Variants in SLC4A4 observed in about 807,000 individuals in gnomAD.
The protein encoded by SLC4A4 is electrogenic sodium bicarbonate cotransporter 1.
In SLC4A4, 27 loss-of-function variants were observed where a neutral mutation model predicts 111.5. The ratio of observed to expected loss-of-function variants is 0.24; its 90% confidence interval spans 0.18 to 0.33. The LOEUF (loss-of-function observed/expected upper bound fraction) is 0.33, where lower values mean the gene tolerates loss of function less well. SLC4A4 is among the 10% of genes least tolerant of loss of function. The pLI, the probability that SLC4A4 is intolerant of heterozygous loss-of-function variation, is 1.00. For synonymous variants in SLC4A4, 443 were observed against 463.4 expected (o/e 0.96, Z 0.57); for missense variants, 909 against 1,315.5 (o/e 0.69, Z 4.78).
chr4:71,181,416 A>T (rs1369885824), intron 2 of SLC4A4, among the ~76,000 whole-genome samples: 1 of 152,166 alleles, frequency 6.6e-6, no homozygotes, highest in Non-Finnish European at 1.5e-5. Flanking sequence ...CTTCCTCCCT[A>T]TGCCTGCTCT....
chr4:71,344,777 A>G (rs559846064), intron 4 of SLC4A4, among the ~76,000 whole-genome samples: 1 of 152,262 alleles, frequency 6.6e-6, no homozygotes. Context: ...TGAGATGAGG[A>G]AATCTGTAGG....
intron 2 of SLC4A4, among the ~76,000 whole-genome samples, chr4:71,095,665 G>T (rs1049860020): frequency 6.6e-6 from 1 of 152,136 alleles, no homozygotes; most frequent in Non-Finnish European, 1.5e-5. Context: ...TACTATGTTA[G>T]GGCTGGATAT....
chr4:71,088,725 T>C (rs1408163895), intron 1 of SLC4A4, among the ~76,000 whole-genome samples: 1 of 152,056 alleles, frequency 6.6e-6, no homozygotes, highest in Non-Finnish European at 1.5e-5. Flanking sequence ...GAATGTTGAA[T>C]ATTGGCCCCC....
chr4:71,473,380 A>T (rs1728066332), intron 14 of SLC4A4: 1 of 410,348 alleles, frequency 2.4e-6, no homozygotes, highest in African/African-American at 2.0e-5. Context: ...CCTTTAATAC[A>T]TGATTTTAAA....
intron 7 of SLC4A4, among the ~76,000 whole-genome samples, chr4:71,419,008 T>A (rs559095411): frequency 4.1e-4 from 62 of 152,154 alleles, no homozygotes; most frequent in Non-Finnish European, 8.8e-4. Flanking sequence ...AGAACAGCAG[T>A]TTTTCATGAA....
intron 1 of SLC4A4, among the ~76,000 whole-genome samples, chr4:71,212,873 G>A (rs1367345389): frequency 2.0e-5 from 3 of 152,266 alleles, no homozygotes; most frequent in South Asian, 4.1e-4. Context: ...CTTGCATAAC[G>A]ATGTTTTGGT....
At chr4:71,302,983 T>G (rs997196119) in intron 3 of SLC4A4, among the ~76,000 whole-genome samples, 1 of 152,232 alleles carries the variant, frequency 6.6e-6, no homozygotes, top group Admixed American at 6.5e-5. Context: ...TTTTTTCTGA[T>G]GTTTACAATA....
chr4:71,268,138 G>A (rs921324101), intron 3 of SLC4A4, among the ~76,000 whole-genome samples: 39 of 122,810 alleles, frequency 3.2e-4, no homozygotes, highest in African/African-American at 9.6e-4. Context: ...GCATTGACAC[G>A]TGAGGTGCAT....
In SLC4A4 at chr4:71,516,319, G is replaced by A. The variant is rs544292037; in HGVS notation, c.2167-15743G>A. Among the ~76,000 whole-genome samples the A allele has an allele frequency of 1.3e-3, 194 of 151,892 alleles. 1 individual carries two copies. The highest frequency in any genetic ancestry group is 4.2e-3 in the African/African-American group (176 of 41,442). ...TCACCGTGTTAGCCAGGATGGTCTC[G>A]ATCTCCTGATCTCGTGATCCACCTG... On this transcript the variant is annotated intron_variant, in intron 16 of 25. Coordinates refer to ENST00000264485, the MANE Select transcript of SLC4A4 (RefSeq NM_001098484.3).
chr4:71,233,275 C>T (rs1283871729), intron 1 of SLC4A4: 2 of 985,160 alleles, frequency 2.0e-6, no homozygotes, highest in African/African-American at 1.7e-5. Flanking sequence ...GAAAAGAGAA[C>T]TACTGAATGC....
intron 7 of SLC4A4, among the ~76,000 whole-genome samples, chr4:71,440,067 C>G (rs1724577144): frequency 6.6e-6 from 1 of 152,036 alleles, no homozygotes; most frequent in African/African-American, 2.4e-5. Flanking sequence ...CCAATTTTTG[C>G]ATAGCTTGTA....
intron 1 of SLC4A4, among the ~76,000 whole-genome samples, chr4:71,082,366 C>A (rs551604176): frequency 1.7e-4 from 26 of 152,072 alleles, no homozygotes; most frequent in South Asian, 6.2e-4. Flanking sequence ...ACACTCTATC[C>A]TCTCACCATC....
intron 7 of SLC4A4, among the ~76,000 whole-genome samples, chr4:71,421,529 A>G (rs1579064982): frequency 6.6e-6 from 1 of 152,338 alleles, no homozygotes. Flanking sequence ...TCAACAGAAT[A>G]TACATTTTTT....
At chr4:71,528,250 T>A (rs116907996) in intron 16 of SLC4A4, among the ~76,000 whole-genome samples, 1 of 152,104 alleles carries the variant, frequency 6.6e-6, no homozygotes, top group African/African-American at 2.4e-5. Context: ...TTTTGAAGTT[T>A]AATGAGATAC....
chr4:71,557,934 T>C lies in SLC4A4; in HGVS notation c.2937+49T>C, dbSNP rs1186561041. On this transcript the variant is annotated intron_variant, in intron 22 of 25. Coordinates refer to ENST00000264485, the MANE Select transcript of SLC4A4 (RefSeq NM_001098484.3). ...TACCTGTGAGATTATATGAGTATCA[T>C]GTGGTTATTGTTATATGGAAGACAC... is the stretch of plus-strand genomic sequence containing the variant. 6.7e-6 allele frequency: 10 copies of C among 1,503,584 alleles called. No homozygotes were observed. The South Asian group carries it at 9.0e-5, about 14-fold the overall frequency. 93.1% of individuals were successfully genotyped at this position (1,503,584 alleles called of 1,614,324 possible). A position where few individuals can be genotyped will look rare whatever the true frequency, so the allele number is the denominator to read the frequency against.
intron 1 of SLC4A4, among the ~76,000 whole-genome samples, chr4:71,083,734 C>T (rs78021793): frequency 1.3e-5 from 2 of 151,828 alleles, no homozygotes; most frequent in African/African-American, 2.4e-5. Context: ...ATTCCAGCTT[C>T]ACTCCGTTCT....
At chr4:71,136,309 C>T (rs994497306) in intron 2 of SLC4A4, among the ~76,000 whole-genome samples, 11 of 152,236 alleles carry the variant, frequency 7.2e-5, no homozygotes, top group Non-Finnish European at 1.5e-4. Context: ...AGCCCTCATG[C>T]ATAGCTGAAT....
At chr4:71,519,037 G>A (rs940771478) in intron 16 of SLC4A4, among the ~76,000 whole-genome samples, 1 of 152,174 alleles carries the variant, frequency 6.6e-6, no homozygotes, top group Non-Finnish European at 1.5e-5. Flanking sequence ...GGGTAATGTG[G>A]AGAGTGTAAA....
chr4:71,240,112 G>A (rs775117101), intron 2 of SLC4A4, among the ~76,000 whole-genome samples: 1 of 152,198 alleles, frequency 6.6e-6, no homozygotes, highest in Non-Finnish European at 1.5e-5. Context: ...TAATTACGTA[G>A]TGAATGAAGA....
Sources: gnomAD v4.1 joint callset for allele counts (sites outside exome capture counted in the v4.1 genomes callset) on GRCh38, gnomAD v4.1.1 for gene constraint, MANE v1.5 for transcripts, NCBI Gene and HGNC (gene_info 2026-07-23, HGNC 2026-07-21) for gene names.